The following CASP10 variants were observed in gnomAD, a reference collection of about 807,000 sequenced individuals.
CASP10 encodes the protein caspase 10.
Under a neutral mutation model 48.5 loss-of-function variants are expected in CASP10, and 41 were observed. The observed-to-expected ratio is 0.85, with a 90% CI of 0.66 to 1.10. The LOEUF is 1.10. CASP10 is among the 50% of genes least tolerant of loss of function. The pLI is 0.00. For missense variants in CASP10, 614 were observed against 614.5 expected, an observed-to-expected ratio of 1.00 and a Z score of 0.01; for synonymous variants, 232 against 238.4, an observed-to-expected ratio of 0.97 and a Z score of 0.25.
chr2:201,185,984 T>C lies in CASP10; in HGVS notation c.207T>C (p.Asp69=). Residue 69 remains aspartate, a synonymous_variant, in exon 2 of 10, where the codon GAT becomes GAC. Coordinates refer to ENST00000286186, the MANE Select transcript of CASP10 (RefSeq NM_032977.4). The part of the protein sequence containing the change: ...SDVFEHLLAE[D]LLSEEDPFFL... ...TTTTTGAACATCTCTTGGCAGAGGA[T>C]CTGCTGAGTGAGGAAGACCCTTTCT... 6.2e-7 allele frequency: 1 copy of C among 1,613,920 alleles called. No homozygotes were observed. The highest frequency in any genetic ancestry group is 1.7e-4 in the Middle Eastern group (1 of 5,924).
At chr2:201,227,703 C>G (rs1945806359) in intron 9 of CASP10, among the ~76,000 whole-genome samples, 1 of 151,808 alleles carries the variant, frequency 6.6e-6, no homozygotes, top group African/African-American at 2.4e-5. Context: ...ACTACAGGTG[C>G]CTGCCACCAT....
At chr2:201,188,720 G>T (rs150624957) in intron 3 of CASP10, among the ~76,000 whole-genome samples, 1 of 152,030 alleles carries the variant, frequency 6.6e-6, no homozygotes, top group African/African-American at 2.4e-5. Context: ...TCAGACTCAG[G>T]TCAGATCCGT....
At chr2:201,195,123 G>A (rs957311789) in intron 4 of CASP10, among the ~76,000 whole-genome samples, 2 of 151,588 alleles carry the variant, frequency 1.3e-5, no homozygotes, top group African/African-American at 2.4e-5. Context: ...CTGGAGTCTT[G>A]CTCTGTCGCC....
chr2:201,196,711 T>C (rs1350239478), intron 5 of CASP10, among the ~76,000 whole-genome samples: 1 of 152,248 alleles, frequency 6.6e-6, no homozygotes, highest in East Asian at 1.9e-4. Flanking sequence ...TAATCAATTT[T>C]AAGTATACAG....
At chr2:201,195,728 A>C in intron 4 of CASP10, 114 bp from the exon 5 acceptor site, 1 of 781,222 alleles carries the variant, frequency 1.3e-6, no homozygotes, top group South Asian at 1.4e-5. Flanking sequence ...CCCAGGCTGC[A>C]GTGCAGTGGG....
At chr2:201,213,243 A>G (rs1227085577) in intron 9 of CASP10, 1 of 152,190 alleles carries the variant, frequency 6.6e-6, no homozygotes, top group Admixed American at 6.5e-5. Context: ...GCGGACTTCT[A>G]TTATTAGACC....
chr2:201,189,990 AC>A (rs2126012029), intron 3 of CASP10, among the ~76,000 whole-genome samples: 1 of 152,192 alleles, frequency 6.6e-6, no homozygotes, highest in Non-Finnish European at 1.5e-5. Flanking sequence ...ACAGAGTGAG[AC>A]CCTGTCTCAA....
At chr2:201,216,089 A>G (rs956356663) in intron 9 of CASP10, among the ~76,000 whole-genome samples, 3 of 151,568 alleles carry the variant, frequency 2.0e-5, no homozygotes, top group African/African-American at 4.8e-5. Flanking sequence ...TCTTTCATCA[A>G]TGTTTTATAG....
Position 201,209,115 on chromosome 2 carries a change from T to C in CASP10, c.968T>C (p.Ile323Thr). ...CAGTGGCTTGGGTTCACAGTGCATATACACAATAATGTGACGAAAGTGGAA... is the reference window on the plus strand; with the variant it reads ...CAGTGGCTTGGGTTCACAGTGCATACACACAATAATGTGACGAAAGTGGAA... ...VFQWLGFTVH[I>T]HNNVTKVEME... The change falls in exon 9 of 10, where the codon ATA (isoleucine) becomes ACA (threonine). Residue 323 changes from isoleucine to threonine, a missense_variant. Ile to Thr is a moderately conservative substitution (Grantham distance 89). Transcript: ENST00000286186. 1 of 1,611,966 alleles carries C rather than the reference T, an allele frequency of 6.2e-7. No homozygotes were observed. The highest frequency in any genetic ancestry group is 1.3e-5 in the African/African-American group (1 of 74,508).
At chr2:201,211,931 A>G (rs1446372891) in intron 9 of CASP10, among the ~76,000 whole-genome samples, 3 of 152,028 alleles carry the variant, frequency 2.0e-5, no homozygotes, top group African/African-American at 7.2e-5. Flanking sequence ...GTGAAGTAGC[A>G]TCTCACTGTG....
rs1576081463 is a variant in CASP10 at position 201,193,089 on chromosome 2, A to C, written c.547A>C (p.Arg183=). 1 of 1,613,894 alleles carries C rather than the reference A, an allele frequency of 6.2e-7. No homozygotes were observed. ...LCKTVVPKLL[R]NIEKYKREKA... is the part of the protein sequence containing the mutation. ...CAAAACAGTTGTACCTAAACTTTTG[A>C]GAAACATAGAGAAATACAAAAGAGA... is the stretch of plus-strand genomic sequence containing the variant. Residue 183 remains arginine (R), a synonymous_variant, in exon 4 of 10, where the codon AGA becomes CGA. Coordinates refer to ENST00000286186, the MANE Select transcript of CASP10 (RefSeq NM_032977.4).
chr2:201,192,562 G>A (rs1944647791), intron 3 of CASP10, among the ~76,000 whole-genome samples: 1 of 151,962 alleles, frequency 6.6e-6, no homozygotes, highest in African/African-American at 2.4e-5. Flanking sequence ...ATTTAAAGCT[G>A]TGACTTAGAG....
At chr2:201,200,442 G>C (rs371199486) in intron 5 of CASP10, 2 of 1,598,230 alleles carry the variant, frequency 1.3e-6, no homozygotes, top group South Asian at 1.1e-5. Context: ...TTTCTCCCCA[G>C]GAAGGTGTTT....
Position 201,187,689 on chromosome 2 carries a change from T to G in CASP10, c.348-17T>G. ...CAAGTGTAAGGCTTTATTTGTCATT[T>G]TGGGTGTGTGTCTTAGAAACCTGCT... On this transcript the variant is annotated splice_polypyrimidine_tract_variant and intron_variant, in intron 2 of 9. Transcript: ENST00000286186. 1 of 1,590,224 alleles carries G rather than the reference T, an allele frequency of 6.3e-7. No homozygotes were observed. The highest frequency in any genetic ancestry group is 8.6e-7 in the Non-Finnish European group (1 of 1,158,290).
intron 2 of CASP10, among the ~76,000 whole-genome samples, chr2:201,186,939 C>A (rs963296416): frequency 2.0e-5 from 3 of 152,160 alleles, no homozygotes; most frequent in African/African-American, 7.2e-5. Context: ...CCACGCACCT[C>A]GGCCTCCCAA....
chr2:201,218,089 C>A lies in CASP10; in HGVS notation c.*348C>A. 1.3e-6 allele frequency: 1 copy of A among 760,422 alleles called. No homozygotes were observed. Among genetic ancestry groups the A allele is most frequent in the Non-Finnish European group, 1.7e-6 (1 of 572,704 alleles). The allele number at this position is 760,422 out of a possible 1,614,324, so 47.1% of individuals were successfully genotyped here. ...CCACCGTGCCCGGATTTTTTTTATT[C>A]TTTATTTTTTGTAGAGATGGAGGGA... On this transcript the variant is annotated 3_prime_UTR_variant, in exon 10 of 10. Transcript: ENST00000286186.
Position 201,208,080 on chromosome 2 carries a change from A to T in CASP10, c.819A>T (p.Ala273=). 6.2e-7 allele frequency: 1 copy of T among 1,612,258 alleles called. No homozygotes were observed. The highest frequency in any genetic ancestry group is 8.5e-7 in the Non-Finnish European group (1 of 1,178,352). Residue 273 remains alanine, a synonymous_variant, in exon 8 of 10, where the codon GCA becomes GCT. Transcript: ENST00000286186. ...GGCTCTATCTATTCTTCAAGAGGGC[A>T]GCTGTGTACAGGATGAATCGGAACC... ...TLNSETSTKR[A]AVYRMNRNHR...
chr2:201,209,670 T>C, intron 9 of CASP10, 108 bp downstream of exon 9: 1 of 1,163,250 alleles, frequency 8.6e-7, no homozygotes, highest in Non-Finnish European at 1.2e-6. Flanking sequence ...CGTTGTTCTA[T>C]CCATGTACCT....
chr2:201,184,614 A>G (rs1261890739), intron 1 of CASP10, among the ~76,000 whole-genome samples: 1 of 152,230 alleles, frequency 6.6e-6, no homozygotes. Flanking sequence ...GTAAGCCATG[A>G]CACCCCACCT....
Sources: gnomAD v4.1 joint callset for allele counts (sites outside exome capture counted in the v4.1 genomes callset) on GRCh38, gnomAD v4.1.1 for gene constraint, MANE v1.5 for transcripts, NCBI Gene and HGNC (gene_info 2026-07-23, HGNC 2026-07-21) for gene names.